The following KIAA1217 variants were observed in gnomAD, a reference collection of about 807,000 sequenced individuals.
KIAA1217 encodes sickle tail protein homolog.
Under a neutral mutation model 163.9 loss-of-function variants are expected in KIAA1217, and 88 were observed. The observed-to-expected ratio is 0.54, with a 90% CI of 0.45 to 0.64. The LOEUF (loss-of-function observed/expected upper bound fraction) is 0.64. KIAA1217 is among the 30% of genes least tolerant of loss of function. The pLI, the probability that KIAA1217 is intolerant of heterozygous loss-of-function variation, is 0.00. For missense variants in KIAA1217, 2,372 were observed against 2,475.0 expected (o/e 0.96, Z 0.88); for synonymous variants, 903 against 923.1 (o/e 0.98, Z 0.39).
intron 2 of KIAA1217, among the ~76,000 whole-genome samples, chr10:24,090,343 T>TG (rs1235505665): frequency 1.2e-3 from 162 of 130,778 alleles, no homozygotes; most frequent in Non-Finnish European, 1.9e-3. Flanking sequence ...TTTTTTTTTT[T>TG]TTTTTTTTTT....
intron 2 of KIAA1217, among the ~76,000 whole-genome samples, chr10:24,247,570 G>A (rs906802991): frequency 6.6e-5 from 10 of 152,320 alleles, no homozygotes; most frequent in African/African-American, 2.4e-4. Context: ...GCCAAGGGGA[G>A]GCAGATCATG....
intron 2 of KIAA1217, among the ~76,000 whole-genome samples, chr10:24,307,373 G>A (rs2042118577): frequency 6.6e-6 from 1 of 152,162 alleles, no homozygotes; most frequent in African/African-American, 2.4e-5. Context: ...TATTTCCTGT[G>A]TTAAGCTTCC....
At chr10:24,536,462 G>A (rs923824184) in intron 16 of KIAA1217, among the ~76,000 whole-genome samples, 58 of 152,176 alleles carry the variant, frequency 3.8e-4, no homozygotes, top group African/African-American at 1.3e-3. Flanking sequence ...TTTTTTAAAT[G>A]TCAAAGCAAG....
At chr10:24,013,271 G>A (rs533003256) in intron 2 of KIAA1217, among the ~76,000 whole-genome samples, 2 of 151,996 alleles carry the variant, frequency 1.3e-5, no homozygotes, top group East Asian at 1.9e-4. Context: ...GACAAGCTTC[G>A]TTTGGGCATG....
At chr10:24,406,565 G>A (rs1050196562) in intron 3 of KIAA1217, among the ~76,000 whole-genome samples, 7 of 152,260 alleles carry the variant, frequency 4.6e-5, no homozygotes, top group Admixed American at 4.6e-4. Flanking sequence ...TTTAGCTAAA[G>A]CTCTCCAGTT....
intron 6 of KIAA1217, among the ~76,000 whole-genome samples, chr10:24,486,408 C>T (rs534897263): frequency 1.3e-5 from 2 of 152,276 alleles, no homozygotes; most frequent in South Asian, 2.1e-4. Context: ...TTGCAATGAC[C>T]AATGGCTCCC....
chr10:23,775,305 G>A lies in KIAA1217; in HGVS notation c.-321+80071G>A, dbSNP rs535072892. ...TGGCTAACATGCAGAATGATGGAATGAGAAATGGGAAGTCAGAACAGCAGG... is the reference window on the plus strand; with the variant it reads ...TGGCTAACATGCAGAATGATGGAATAAGAAATGGGAAGTCAGAACAGCAGG... On this transcript the variant is annotated intron_variant, in intron 1 of 18. Coordinates refer to the KIAA1217 transcript ENST00000376462. Among the ~76,000 whole-genome samples, 11 of 152,314 alleles carry A rather than the reference G, an allele frequency of 7.2e-5. No homozygotes were observed. The South Asian group carries it at 2.3e-3, about 32-fold the overall frequency.
chr10:24,309,346 GCGCGCACACA>G lies in KIAA1217; in HGVS notation c.355-71521_355-71512del, dbSNP rs1156807427. On this transcript the variant is annotated intron_variant, in intron 2 of 20. Coordinates refer to ENST00000376454, the MANE Select transcript of KIAA1217 (RefSeq NM_019590.5). ...ATGACAAATAGGCGCGCGCACGCGC[GCGCGCACACA>G]CACACACACACACACACACACACGG... Among the ~76,000 whole-genome samples the G allele has an allele frequency of 1.7e-3, 226 of 133,724 alleles. 1 individual carries two copies. The highest frequency in any genetic ancestry group is 5.1e-3 in the African/African-American group (193 of 37,656). The allele number at this position is 133,724 out of a possible 152,430, so 87.7% of individuals were successfully genotyped here.
chr10:24,268,773 G>A (rs1317724839), intron 2 of KIAA1217, among the ~76,000 whole-genome samples: 13 of 121,946 alleles, frequency 1.1e-4, no homozygotes, highest in Middle Eastern at 3.8e-3. Flanking sequence ...TGTTTATTGC[G>A]GCATTATTCA....
intron 1 of KIAA1217, among the ~76,000 whole-genome samples, chr10:23,725,050 A>C (rs528568297): frequency 7.2e-5 from 11 of 152,214 alleles, no homozygotes; most frequent in African/African-American, 2.6e-4. Context: ...CCTTTCATAC[A>C]AGGTGCCTCC....
intron 2 of KIAA1217, among the ~76,000 whole-genome samples, chr10:24,339,973 G>A (rs1030732589): frequency 6.6e-6 from 1 of 152,146 alleles, no homozygotes. Context: ...TAAATACAGC[G>A]AATTCCAAGG....
chr10:24,221,285 G>T (rs979220397), intron 2 of KIAA1217, among the ~76,000 whole-genome samples: 3 of 151,768 alleles, frequency 2.0e-5, no homozygotes, highest in African/African-American at 7.3e-5. Context: ...GACCTCACTG[G>T]CGAGTTACCA....
chr10:24,422,901 C>CTTTTTTTTTTTT (rs58161228), intron 3 of KIAA1217, among the ~76,000 whole-genome samples: 4 of 120,620 alleles, frequency 3.3e-5, no homozygotes, highest in African/African-American at 1.2e-4. Flanking sequence ...ATAGATTTAA[C>CTTTTTTTTTTTT]TTTTTTTTTT....
At chr10:24,166,000 T>C (rs1326638) in intron 2 of KIAA1217, among the ~76,000 whole-genome samples, 109,506 of 152,040 alleles carry the variant, frequency 0.72, 39,751 homozygotes, top group Middle Eastern at 0.79. Flanking sequence ...TCTTCTTCCA[T>C]GCTCCATCCT....
intron 6 of KIAA1217, among the ~76,000 whole-genome samples, chr10:24,474,664 C>G (rs2063824592): frequency 6.6e-6 from 1 of 152,186 alleles, no homozygotes; most frequent in South Asian, 2.1e-4. Flanking sequence ...CAGGGAAAGA[C>G]TCTCTGGGGA....
At chr10:24,440,116 T>A (rs1272011387) in intron 5 of KIAA1217, among the ~76,000 whole-genome samples, 1 of 152,210 alleles carries the variant, frequency 6.6e-6, no homozygotes, top group Non-Finnish European at 1.5e-5. Context: ...CGTACTCAAC[T>A]GCTGTTATTT....
chr10:24,198,949 T>C (rs1231302985), intron 2 of KIAA1217, among the ~76,000 whole-genome samples: 2 of 152,194 alleles, frequency 1.3e-5, no homozygotes, highest in Non-Finnish European at 2.9e-5. Context: ...CCAGGTGTGG[T>C]GGCTCACGCC....
rs1383539700 is a variant in KIAA1217 at position 23,790,011 on chromosome 10, ACATATACACATATG to A, written c.-321+94791_-321+94804del. Among the ~76,000 whole-genome samples the A allele has an allele frequency of 7.1e-5, 9 of 125,902 alleles. 4 individuals carry two copies. The South Asian group carries it at 9.6e-4, about 13-fold the overall frequency. The allele number at this position is 125,902 out of a possible 152,430, so 82.6% of individuals were successfully genotyped here. A position where few individuals can be genotyped will look rare whatever the true frequency, so the allele number is the denominator to read the frequency against. Reference sequence around the variant, plus strand: ...TATACATATACACATATGCACATACACATATACACATATGCATATACACATATACATATGCATAT... The same window carrying A: ...TATACATATACACATATGCACATACACATATACACATATACATATGCATAT... On this transcript the variant is annotated intron_variant, in intron 1 of 18. Transcript: ENST00000376462.
At chr10:24,301,216 A>T (rs2041286913) in intron 2 of KIAA1217, among the ~76,000 whole-genome samples, 1 of 152,134 alleles carries the variant, frequency 6.6e-6, no homozygotes, top group Admixed American at 6.6e-5. Flanking sequence ...ATTTCTCTTT[A>T]GTCTTGGCAT....
Sources: gnomAD v4.1 joint callset for allele counts (sites outside exome capture counted in the v4.1 genomes callset) on GRCh38, gnomAD v4.1.1 for gene constraint, MANE v1.5 for transcripts, NCBI Gene and HGNC (gene_info 2026-07-23, HGNC 2026-07-21) for gene names.